GAS2: variants seen among roughly 807,000 people sequenced by gnomAD.
The protein encoded by GAS2 is growth arrest specific 2, also known as growth arrest-specific protein 2.
A neutral mutation model predicts 37.5 loss-of-function variants in GAS2; 20 were observed. The ratio of observed to expected loss-of-function variants is 0.53; its 90% CI spans 0.37 to 0.77. The LOEUF is 0.77. Ranked by LOEUF, GAS2 falls within the 30% of genes least tolerant of loss-of-function variation. GAS2 has a pLI of 0.00. For synonymous variants in GAS2, 144 were observed against 132.2 expected (o/e 1.09, Z -0.61); for missense variants, 336 against 373.4 (o/e 0.90, Z 0.82).
intron 1 of GAS2, chr11:22,626,006 A>G (rs1858646876): frequency 7.4e-6 from 5 of 679,830 alleles, no homozygotes; most frequent in East Asian, 5.5e-5. Context: ...TTCGCCACAC[A>G]AAGAGGTTCT....
chr11:22,669,799 G>A (rs1849130525), intron 1 of GAS2, among the ~76,000 whole-genome samples: 1 of 152,130 alleles, frequency 6.6e-6, no homozygotes. Flanking sequence ...TCAATTTGTG[G>A]ATAAGTTGCT....
chr11:22,732,339 T>A (rs1370809104), intron 4 of GAS2, among the ~76,000 whole-genome samples: 1 of 151,640 alleles, frequency 6.6e-6, no homozygotes, highest in Admixed American at 6.6e-5. Context: ...GCAATGAAAT[T>A]CATTCAATTC....
intron 3 of GAS2, among the ~76,000 whole-genome samples, chr11:22,693,553 A>C (rs954114304): frequency 2.6e-5 from 4 of 152,196 alleles, no homozygotes; most frequent in Non-Finnish European, 5.9e-5. Flanking sequence ...TGGTACTTTT[A>C]CCACAAAAGA....
intron 7 of GAS2, among the ~76,000 whole-genome samples, chr11:22,764,403 A>G (rs1408654967): frequency 9.9e-5 from 15 of 152,014 alleles, no homozygotes; most frequent in Admixed American, 8.5e-4. Flanking sequence ...TACTAAAAAT[A>G]CAAAAAATTA....
chr11:22,646,902 CTTCTTTCT>C (rs748769935), intron 1 of GAS2, among the ~76,000 whole-genome samples: 2 of 143,628 alleles, frequency 1.4e-5, no homozygotes, highest in South Asian at 2.2e-4. Context: ...TCTTTCTTTC[CTTCTTTCT>C]TTCTTTTTTT....
At chr11:22,777,807 A>T (rs1855338115) in intron 7 of GAS2, among the ~76,000 whole-genome samples, 1 of 152,206 alleles carries the variant, frequency 6.6e-6, no homozygotes, top group South Asian at 2.1e-4. Context: ...CGGCAATTGG[A>T]GATACTGAGC....
intron 3 of GAS2, among the ~76,000 whole-genome samples, chr11:22,722,257 T>C (rs895981960): frequency 6.6e-6 from 1 of 151,958 alleles, no homozygotes; most frequent in South Asian, 2.1e-4. Context: ...TTGGAATGCA[T>C]AACTGTTCTC....
intron 7 of GAS2, among the ~76,000 whole-genome samples, chr11:22,803,020 TG>T (rs2134653447): frequency 6.6e-6 from 1 of 152,274 alleles, no homozygotes; most frequent in East Asian, 1.9e-4. Flanking sequence ...CACTCTATGA[TG>T]TTCACACAGT....
intron 7 of GAS2, among the ~76,000 whole-genome samples, chr11:22,771,510 T>C (rs1220324774): frequency 6.6e-6 from 1 of 152,164 alleles, no homozygotes; most frequent in African/African-American, 2.4e-5. Flanking sequence ...GTTTTAACAC[T>C]TCAGTATGAT....
intron 7 of GAS2, among the ~76,000 whole-genome samples, chr11:22,784,071 G>A (rs573576927): frequency 6.6e-6 from 1 of 152,236 alleles, no homozygotes; most frequent in East Asian, 1.9e-4. Flanking sequence ...TTGAAGTTGG[G>A]TAATATGGTT....
At chr11:22,720,199 AC>A (rs1851881148) in intron 3 of GAS2, among the ~76,000 whole-genome samples, 1 of 152,052 alleles carries the variant, frequency 6.6e-6, no homozygotes, top group Admixed American at 6.6e-5. Context: ...CTATGGCATT[AC>A]AGCATGAATA....
chr11:22,641,254 A>G (rs1228768475), intron 1 of GAS2, among the ~76,000 whole-genome samples: 2 of 143,992 alleles, frequency 1.4e-5, no homozygotes, highest in Non-Finnish European at 3.0e-5. Flanking sequence ...ATATATATAT[A>G]TCTTTATATA....
At chr11:22,780,176 A>G (rs142900896) in intron 7 of GAS2, among the ~76,000 whole-genome samples, 19 of 152,320 alleles carry the variant, frequency 1.2e-4, no homozygotes, top group African/African-American at 4.6e-4. Context: ...TCTGAAAAAT[A>G]GAAAAGTAAT....
At chr11:22,800,283 A>G (rs1431152800) in intron 7 of GAS2, among the ~76,000 whole-genome samples, 1 of 152,100 alleles carries the variant, frequency 6.6e-6, no homozygotes, top group Non-Finnish European at 1.5e-5. Context: ...CACATTATGT[A>G]TGCTTCTGAC....
intron 3 of GAS2, among the ~76,000 whole-genome samples, chr11:22,696,971 G>T (rs1261099028): frequency 2.7e-5 from 4 of 149,068 alleles, no homozygotes; most frequent in Non-Finnish European, 6.0e-5. Context: ...GTCAATTTTG[G>T]CTTTTGTTGC....
intron 3 of GAS2, among the ~76,000 whole-genome samples, chr11:22,710,211 T>C (rs2134076211): frequency 6.6e-6 from 1 of 151,866 alleles, no homozygotes; most frequent in South Asian, 2.1e-4. Context: ...CAAAAACAAC[T>C]TTTTTTCCCC....
At chr11:22,687,291 C>T (rs1015865351) in intron 3 of GAS2, among the ~76,000 whole-genome samples, 4 of 152,104 alleles carry the variant, frequency 2.6e-5, no homozygotes, top group African/African-American at 9.7e-5. Context: ...CACAACACTG[C>T]ACTCCAGCCT....
intron 1 of GAS2, among the ~76,000 whole-genome samples, chr11:22,640,579 A>G (rs1858897444): frequency 2.0e-5 from 3 of 152,218 alleles, no homozygotes; most frequent in African/African-American, 7.2e-5. Flanking sequence ...AGTCTTGATC[A>G]GGAATTGCAA....
At chr11:22,659,796 C>A (rs1590582122) in intron 1 of GAS2, among the ~76,000 whole-genome samples, 1 of 150,632 alleles carries the variant, frequency 6.6e-6, no homozygotes, top group South Asian at 2.1e-4. Flanking sequence ...ACTCCTGACA[C>A]CTCCTTATAA....
Sources: allele counts gnomAD v4.1 joint callset (sites outside exome capture counted in the v4.1 genomes callset), GRCh38; gene constraint gnomAD v4.1.1; transcripts MANE v1.5; gene names NCBI Gene and HGNC (gene_info 2026-07-23, HGNC 2026-07-21).